RTL4: variants seen among roughly 807,000 people sequenced by gnomAD.
RTL4 encodes retrotransposon Gag like 4, also known as retrotransposon Gag-like protein 4.
RTL4 carries 4 observed loss-of-function variants against 5.3 expected under a neutral mutation model. The ratio of observed to expected loss-of-function variants is 0.75; its 90% CI spans 0.37 to 1.72. The LOEUF is 1.72. RTL4 is among the 40% of genes most tolerant of loss of function. The pLI, the probability that RTL4 is intolerant of heterozygous loss-of-function variation, is 0.04. For missense variants in RTL4, 260 were observed against 227.1 expected, an observed-to-expected ratio of 1.14 and a Z score of -0.93; for synonymous variants, 98 against 87.3, an observed-to-expected ratio of 1.12 and a Z score of -0.68.
At chrX:112,107,490 A>AACAAATATG in the RTL4 span, among the ~76,000 whole-genome samples, 1 of 111,995 alleles carries the variant, frequency 8.9e-6, no homozygotes, top group Non-Finnish European at 1.9e-5. Context: ...TTTCTTATAA[A>AACAAATATG]ACAAATATGT....
chrX:112,202,174 C>T, the RTL4 span, among the ~76,000 whole-genome samples: 4 of 111,733 alleles, frequency 3.6e-5, no homozygotes, highest in Non-Finnish European at 5.6e-5. Flanking sequence ...CAAATATGTG[C>T]GTCATTTCTG....
the RTL4 span, among the ~76,000 whole-genome samples, chrX:112,179,646 A>AT: frequency 8.9e-6 from 1 of 112,375 alleles, no homozygotes; most frequent in Admixed American, 9.4e-5. Flanking sequence ...TATTCATCAC[A>AT]TTTTTGAGGG....
chrX:112,118,642 G>A, the RTL4 span, among the ~76,000 whole-genome samples: 1 of 111,935 alleles, frequency 8.9e-6, no homozygotes, highest in African/African-American at 3.2e-5. Flanking sequence ...ATGGGATCAT[G>A]GGGAGTCACC....
the RTL4 span, among the ~76,000 whole-genome samples, chrX:112,316,889 A>G: frequency 1.8e-5 from 2 of 111,857 alleles, no homozygotes; most frequent in Non-Finnish European, 3.8e-5. Context: ...AATCAGAACA[A>G]GGGGAAGATT....
At chrX:112,094,831 G>T in the RTL4 span, among the ~76,000 whole-genome samples, 1 of 111,525 alleles carries the variant, frequency 9.0e-6, no homozygotes, top group South Asian at 3.8e-4. Flanking sequence ...AATGGTGATT[G>T]ATTCCCTGAT....
At chrX:112,286,526 G>C in the RTL4 span, among the ~76,000 whole-genome samples, 3 of 111,496 alleles carry the variant, frequency 2.7e-5, no homozygotes, top group Non-Finnish European at 5.7e-5. Flanking sequence ...CAATCTCGGT[G>C]CTATTCCAAC....
the RTL4 span, among the ~76,000 whole-genome samples, chrX:112,439,201 T>A: frequency 9.0e-6 from 1 of 111,454 alleles, no homozygotes; most frequent in Non-Finnish European, 1.9e-5. Context: ...GTAGGGTATA[T>A]GGGGAGCTGG....
the RTL4 span, among the ~76,000 whole-genome samples, chrX:112,222,212 A>G: frequency 9.0e-6 from 1 of 111,517 alleles, no homozygotes; most frequent in African/African-American, 3.3e-5. Flanking sequence ...GTTATCTTGG[A>G]GACTAGAACT....
At chrX:112,272,761 G>T in the RTL4 span, among the ~76,000 whole-genome samples, 15 of 111,225 alleles carry the variant, frequency 1.3e-4, no homozygotes, top group East Asian at 4.0e-3. Flanking sequence ...CTAGAATTTT[G>T]TCTTCTAGTG....
chrX:112,247,157 C>CA, the RTL4 span, among the ~76,000 whole-genome samples: 6 of 111,653 alleles, frequency 5.4e-5, no homozygotes, highest in Non-Finnish European at 1.1e-4. Context: ...CAAGCAAAAA[C>CA]AAAAAACAAA....
At chrX:112,127,181 A>G in the RTL4 span, among the ~76,000 whole-genome samples, 18 of 111,851 alleles carry the variant, frequency 1.6e-4, no homozygotes, top group Admixed American at 1.4e-3. Context: ...AATAATATCA[A>G]ACTAAATCTA....
the RTL4 span, among the ~76,000 whole-genome samples, chrX:112,309,011 A>C: frequency 9.0e-6 from 1 of 111,485 alleles, no homozygotes; most frequent in Non-Finnish European, 1.9e-5. Context: ...TGGAGTGTCA[A>C]TTTTTACTCC....
At chrX:112,270,236 C>G in the RTL4 span, among the ~76,000 whole-genome samples, 5 of 112,142 alleles carry the variant, frequency 4.5e-5, no homozygotes, top group Non-Finnish European at 7.5e-5. Context: ...AGTCTTCTTA[C>G]GTGGCATAAC....
At chrX:112,312,779 C>T in the RTL4 span, among the ~76,000 whole-genome samples, 6,920 of 111,016 alleles carry the variant, frequency 0.062, 402 homozygotes, top group African/African-American at 0.18. Flanking sequence ...GTTCCAAACA[C>T]CACAGCTGCC....
the RTL4 span, among the ~76,000 whole-genome samples, chrX:112,224,145 G>A: frequency 4.5e-5 from 5 of 110,840 alleles, no homozygotes; most frequent in African/African-American, 1.6e-4. Context: ...GAGACTGCTG[G>A]GCGGTCAGAA....
the RTL4 span, among the ~76,000 whole-genome samples, chrX:112,412,283 A>G: frequency 9.2e-6 from 1 of 109,023 alleles, no homozygotes; most frequent in African/African-American, 3.3e-5. Flanking sequence ...TAATACCCAA[A>G]ACAATCTACA....
At chrX:112,101,838 A>G in the RTL4 span, among the ~76,000 whole-genome samples, 1 of 110,768 alleles carries the variant, frequency 9.0e-6, no homozygotes, top group South Asian at 3.9e-4. Flanking sequence ...AGAAAAGCAC[A>G]GAGACATAAG....
the RTL4 span, among the ~76,000 whole-genome samples, chrX:112,226,971 T>TAAAATA: frequency 1.0e-2 from 745 of 74,839 alleles, 8 homozygotes; most frequent in African/African-American, 0.033. Flanking sequence ...TAAAATAAAA[T>TAAAATA]AATAAAATAA....
At chrX:112,253,616 A>G in the RTL4 span, among the ~76,000 whole-genome samples, 3 of 112,191 alleles carry the variant, frequency 2.7e-5, no homozygotes, top group Non-Finnish European at 5.6e-5. Flanking sequence ...TGGTTTTAAT[A>G]TATTACATTT....
Sources: gnomAD v4.1 joint callset for allele counts (sites outside exome capture counted in the v4.1 genomes callset) on GRCh38, gnomAD v4.1.1 for gene constraint, MANE v1.5 for transcripts, NCBI Gene and HGNC (gene_info 2026-07-23, HGNC 2026-07-21) for gene names.